The following SCMH1 variants were observed in gnomAD, a reference collection of about 807,000 sequenced individuals.
SCMH1 encodes the protein polycomb protein SCMH1.
Under a neutral mutation model 70.8 loss-of-function variants are expected in SCMH1, and 37 were observed. The observed-to-expected ratio is 0.52, with a 90% CI of 0.40 to 0.69. The LOEUF is 0.69. SCMH1 is among the 30% of genes least tolerant of loss of function. SCMH1 has a pLI of 0.00. For missense variants in SCMH1, 607 were observed against 827.3 expected (o/e 0.73, Z 3.27); for synonymous variants, 292 against 307.4 (o/e 0.95, Z 0.52).
chr1:41,070,536 G>C, intron 10 of SCMH1, 59 bp downstream of exon 10: 1 of 1,596,796 alleles, frequency 6.3e-7, no homozygotes, highest in Non-Finnish European at 8.5e-7. Context: ...TAAGACAAAA[G>C]AAAGTGCAAA....
chr1:41,225,785 T>A (rs766932930), intron 1 of SCMH1, among the ~76,000 whole-genome samples: 1 of 152,188 alleles, frequency 6.6e-6, no homozygotes, highest in African/African-American at 2.4e-5. Context: ...CAAGAAGCAG[T>A]GACTGAACTA....
chr1:41,059,719 A>AG (rs1328444366), intron 10 of SCMH1, among the ~76,000 whole-genome samples: 2 of 152,208 alleles, frequency 1.3e-5, no homozygotes, highest in East Asian at 3.8e-4. Flanking sequence ...CTGGGGCTTC[A>AG]GGAGTTACAG....
At chr1:41,233,964 T>C (rs868224780) in intron 1 of SCMH1, among the ~76,000 whole-genome samples, 1 of 152,234 alleles carries the variant, frequency 6.6e-6, no homozygotes, top group South Asian at 2.1e-4. Flanking sequence ...TAGTAAGTAC[T>C]ATAAAGGTAT....
At chr1:41,046,663 C>A in intron 11 of SCMH1, 65 bp from the exon 12 acceptor site, 1 of 1,269,596 alleles carries the variant, frequency 7.9e-7, no homozygotes. Context: ...CTAGGCAGGA[C>A]GAGTCCAGCC....
chr1:41,096,419 T>C (rs60424846), intron 8 of SCMH1, among the ~76,000 whole-genome samples: 2,053 of 152,306 alleles, frequency 0.013, 47 homozygotes, highest in African/African-American at 0.047. Flanking sequence ...ATTTGTAAAA[T>C]AGATAATAGT....
At chr1:41,038,477 T>C (rs1645626965) in intron 12 of SCMH1, among the ~76,000 whole-genome samples, 1 of 152,202 alleles carries the variant, frequency 6.6e-6, no homozygotes, top group Non-Finnish European at 1.5e-5. Context: ...TAGGTAATGC[T>C]TGGGATTCAT....
At chr1:41,119,553 T>C (rs539342571) in intron 6 of SCMH1, among the ~76,000 whole-genome samples, 38 of 152,120 alleles carry the variant, frequency 2.5e-4, no homozygotes, top group Non-Finnish European at 5.0e-4. Flanking sequence ...CAATGCTGTT[T>C]AAGAGCATCA....
chr1:41,119,453 A>C (rs202042281), intron 6 of SCMH1, among the ~76,000 whole-genome samples: 2,207 of 82,606 alleles, frequency 0.027, 52 homozygotes, highest in African/African-American at 0.19. Flanking sequence ...AAAAAACAAA[A>C]AAAAAAAAAC....
At chr1:41,229,683 T>C (rs911467924) in intron 1 of SCMH1, among the ~76,000 whole-genome samples, 3 of 152,060 alleles carry the variant, frequency 2.0e-5, no homozygotes, top group East Asian at 1.9e-4. Flanking sequence ...GGCACATGTA[T>C]ACCTATGTAA....
At chr1:41,070,755 A>T (rs1272611898) in intron 9 of SCMH1, 34 bp from the exon 10 acceptor site, 1 of 1,612,218 alleles carries the variant, frequency 6.2e-7, no homozygotes, top group Non-Finnish European at 8.5e-7. Context: ...ATTGCTACCC[A>T]TGACAGGTCT....
intron 11 of SCMH1, 183 bp from the exon 12 acceptor site, chr1:41,046,781 A>G (rs983890200): frequency 8.5e-5 from 50 of 587,670 alleles, no homozygotes; most frequent in Admixed American, 1.2e-4. Context: ...TTTTGCCTCC[A>G]ACTGTAAAGG....
intron 12 of SCMH1, chr1:41,043,004 T>C (rs1187701203): frequency 6.6e-6 from 1 of 152,190 alleles, no homozygotes. Context: ...GAATCCCGGA[T>C]TAGGAAACAA....
intron 8 of SCMH1, 77 bp from the exon 9 acceptor site, chr1:41,075,528 G>T: frequency 4.2e-6 from 5 of 1,200,556 alleles, no homozygotes; most frequent in Non-Finnish European, 6.0e-6. Context: ...AAAAGGACTT[G>T]CCACTTCTGC....
chr1:41,111,730 A>T (rs1378895449), intron 8 of SCMH1, among the ~76,000 whole-genome samples: 1 of 152,152 alleles, frequency 6.6e-6, no homozygotes, highest in African/African-American at 2.4e-5. Context: ...CTCATGTCTC[A>T]GCATCATTAT....
At chr1:41,109,133 G>A (rs2147809470) in intron 8 of SCMH1, among the ~76,000 whole-genome samples, 1 of 152,182 alleles carries the variant, frequency 6.6e-6, no homozygotes, top group Non-Finnish European at 1.5e-5. Context: ...AGATCTCCAT[G>A]GTTTCACTCT....
intron 8 of SCMH1, among the ~76,000 whole-genome samples, chr1:41,092,176 T>C (rs566299774): frequency 6.6e-6 from 1 of 152,122 alleles, no homozygotes; most frequent in Non-Finnish European, 1.5e-5. Flanking sequence ...AAAACAGAGG[T>C]ATAGACCAAT....
chr1:41,099,051 C>G (rs1343865280), intron 8 of SCMH1: 4 of 248,310 alleles, frequency 1.6e-5, no homozygotes, highest in Non-Finnish European at 2.4e-5. Context: ...CTGATCAGGC[C>G]TGAGGGAGAG....
rs1573022219 is a variant in SCMH1, at chr1:41,202,207, C to T, written c.-117-15957G>A. ...CCCACGACCACGCCCGGCTAATTTT[C>T]GTATTTTTAGTAGAGACGGGGTTTC... is the stretch of plus-strand genomic sequence containing the variant. On this transcript the variant is annotated intron_variant, in intron 1 of 14. Transcript: ENST00000337495. 4.6e-5 allele frequency among the ~76,000 whole-genome samples: 7 copies of T among 151,536 alleles called. No homozygotes were observed. The South Asian group carries it at 1.0e-3, about 23-fold the overall frequency.
intron 13 of SCMH1, 138 bp downstream of exon 14, chr1:41,033,844 GT>G (rs1644898314): frequency 1.6e-6 from 2 of 1,239,304 alleles, no homozygotes; most frequent in Non-Finnish European, 2.3e-6. Context: ...CTCATGGTGG[GT>G]TTCCAAGGAA....
Sources: gnomAD v4.1 joint callset for allele counts (sites outside exome capture counted in the v4.1 genomes callset) on GRCh38, gnomAD v4.1.1 for gene constraint, MANE v1.5 for transcripts, NCBI Gene and HGNC (gene_info 2026-07-23, HGNC 2026-07-21) for gene names.